Variants in KLRG1 observed in about 807,000 individuals in gnomAD.
The protein encoded by KLRG1 is killer cell lectin like receptor G1, also known as killer cell lectin-like receptor subfamily G member 1.
Under a neutral mutation model 21.8 loss-of-function variants are expected in KLRG1, and 16 were observed. The observed-to-expected ratio is 0.73, with a 90% CI of 0.50 to 1.11. KLRG1 has a LOEUF of 1.11. Among genes scored for constraint, KLRG1 ranks in the 50% most tolerant of loss-of-function variants. The probability of loss-of-function intolerance (pLI) is 0.00; values close to 1 mark genes in which losing one functional copy is unlikely to be tolerated. For synonymous variants in KLRG1, 69 were observed against 75.9 expected, an observed-to-expected ratio of 0.91 and a Z score of 0.47; for missense variants, 173 against 218.3, an observed-to-expected ratio of 0.79 and a Z score of 1.31.
chr12:9,067,642 GTAT>G, the KLRG1 span: 2 of 695,850 alleles, frequency 2.9e-6, no homozygotes, highest in Non-Finnish European at 5.3e-6. Flanking sequence ...TTTAATCTTG[GTAT>G]TCTATTGGGA....
chr12:9,201,945 T>A, the KLRG1 span, among the ~76,000 whole-genome samples: 3 of 152,150 alleles, frequency 2.0e-5, no homozygotes, highest in African/African-American at 7.2e-5. Context: ...AATTATAATA[T>A]GGTCTATTGT....
the KLRG1 span, chr12:9,115,654 G>T: frequency 1.3e-6 from 1 of 788,310 alleles, no homozygotes. Flanking sequence ...GAATCTTAGA[G>T]ATAAGAAGAT....
downstream of KLRG1, among the ~76,000 whole-genome samples, chr12:9,011,658 A>C (rs1565556201): frequency 6.6e-6 from 1 of 152,208 alleles, no homozygotes; most frequent in Non-Finnish European, 1.5e-5. Flanking sequence ...ATAAGAACCA[A>C]AAATCAGATG....
the KLRG1 span, among the ~76,000 whole-genome samples, chr12:9,094,340 CATATATATATAT>C: frequency 4.0e-4 from 39 of 97,030 alleles, no homozygotes; most frequent in Admixed American, 5.7e-4. Flanking sequence ...AAAAATTGTG[CATATATATATAT>C]ATATATATAT....
At chr12:9,122,491 G>T in the KLRG1 span, among the ~76,000 whole-genome samples, 2 of 152,194 alleles carry the variant, frequency 1.3e-5, no homozygotes, top group Non-Finnish European at 2.9e-5. Flanking sequence ...TTACTCAGAT[G>T]ATGCTGATGA....
chr12:9,214,353 C>G, the KLRG1 span, among the ~76,000 whole-genome samples: 1 of 152,006 alleles, frequency 6.6e-6, no homozygotes, highest in African/African-American at 2.4e-5. Flanking sequence ...AAGAATCAGT[C>G]TGTCCTTTCT....
chr12:9,088,138 T>C, the KLRG1 span, among the ~76,000 whole-genome samples: 2 of 152,150 alleles, frequency 1.3e-5, no homozygotes, highest in Admixed American at 6.5e-5. Flanking sequence ...GTTTATTATA[T>C]GTAAATCACA....
chr12:8,995,048 T>C (rs1381373710), intron 2 of KLRG1, 71 bp from the exon 3 acceptor site: 2 of 1,415,690 alleles, frequency 1.4e-6, no homozygotes, highest in African/African-American at 1.5e-5. Context: ...CCATATTCCA[T>C]TTTATCTCCC....
chr12:8,958,954 A>G (rs1565535223), intron 1 of KLRG1, among the ~76,000 whole-genome samples: 1 of 152,320 alleles, frequency 6.6e-6, no homozygotes. Flanking sequence ...GAGTCTTATA[A>G]TTCATGAATA....
chr12:9,109,622 C>T, the KLRG1 span, among the ~76,000 whole-genome samples: 1 of 152,152 alleles, frequency 6.6e-6, no homozygotes, highest in South Asian at 2.1e-4. Flanking sequence ...TGGAAAACTC[C>T]ATTAAAACAA....
At chr12:8,965,397 G>C (rs772593382) in intron 1 of KLRG1, among the ~76,000 whole-genome samples, 1 of 152,192 alleles carries the variant, frequency 6.6e-6, no homozygotes, top group East Asian at 1.9e-4. Flanking sequence ...AAGTCAAATT[G>C]TCCCTGTTTG....
At chr12:9,055,091 A>G in the KLRG1 span, among the ~76,000 whole-genome samples, 1 of 152,214 alleles carries the variant, frequency 6.6e-6, no homozygotes, top group Non-Finnish European at 1.5e-5. Context: ...ATGTTTTTCA[A>G]CCCAAAGTCA....
the KLRG1 span, among the ~76,000 whole-genome samples, chr12:9,203,410 C>T: frequency 6.9e-6 from 1 of 145,046 alleles, no homozygotes; most frequent in Admixed American, 7.2e-5. Context: ...GGGGCGATCT[C>T]GGCTCACTGC....
At chr12:9,072,517 T>C in the KLRG1 span, 1 of 1,604,502 alleles carries the variant, frequency 6.2e-7, no homozygotes, top group South Asian at 1.1e-5. Context: ...AATCAGTTTT[T>C]TGCCCTTTCC....
chr12:9,202,500 C>T, the KLRG1 span: 4 of 1,613,424 alleles, frequency 2.5e-6, no homozygotes, highest in Non-Finnish European at 3.4e-6. Context: ...AGTGTTGCCC[C>T]AAACAGTGGA....
chr12:9,101,252 C>T, the KLRG1 span: 3 of 1,530,646 alleles, frequency 2.0e-6, no homozygotes, highest in African/African-American at 2.8e-5. Context: ...CCAGAGAGAA[C>T]ACGCTTCAGT....
At chr12:9,028,977 C>T in the KLRG1 span, 1 of 618,000 alleles carries the variant, frequency 1.6e-6, no homozygotes, top group East Asian at 3.7e-5. Context: ...CGTGAGCGTT[C>T]CCCATTGCTC....
At chr12:9,083,512 TA>T in the KLRG1 span, among the ~76,000 whole-genome samples, 1 of 150,454 alleles carries the variant, frequency 6.6e-6, no homozygotes, top group Non-Finnish European at 1.5e-5. Flanking sequence ...TGACTAAAAT[TA>T]AAAATTCAAA....
At chr12:9,179,402 T>A in the KLRG1 span, among the ~76,000 whole-genome samples, 3 of 152,250 alleles carry the variant, frequency 2.0e-5, no homozygotes, top group Admixed American at 2.0e-4. Context: ...CTTGAAATAA[T>A]AATAATAAAA....
Sources: gnomAD v4.1 joint callset for allele counts (sites outside exome capture counted in the v4.1 genomes callset) on GRCh38, gnomAD v4.1.1 for gene constraint, MANE v1.5 for transcripts, NCBI Gene and HGNC (gene_info 2026-07-23, HGNC 2026-07-21) for gene names.